The following CEP192 variants were observed in gnomAD, a reference collection of about 807,000 sequenced individuals.
The protein encoded by CEP192 is centrosomal protein of 192 kDa.
Under a neutral mutation model 271.8 loss-of-function variants are expected in CEP192, and 151 were observed. The observed-to-expected ratio is 0.56, with a 90% CI of 0.49 to 0.64. The LOEUF (loss-of-function observed/expected upper bound fraction) is 0.64, where lower values mean the gene tolerates loss of function less well. CEP192 is among the 30% of genes least tolerant of loss of function. The pLI is 0.00. For synonymous variants in CEP192, 995 were observed against 1,076.5 expected, an observed-to-expected ratio of 0.92 and a Z score of 1.48; for missense variants, 2,910 against 3,020.5, an observed-to-expected ratio of 0.96 and a Z score of 0.86.
intron 15 of CEP192, among the ~76,000 whole-genome samples, chr18:13,045,583 A>G (rs920443764): frequency 6.6e-5 from 10 of 152,228 alleles, no homozygotes; most frequent in Admixed American, 1.3e-4. Context: ...AGCTGCCTGC[A>G]TTCTTAAAAT....
At position 13,040,857 on chromosome 18, in the gene CEP192, C is replaced by T. The variant is rs772845551; in HGVS notation, c.1837C>T (p.Pro613Ser). 2 of 1,596,378 alleles carry T rather than the reference C, an allele frequency of 1.3e-6. No homozygotes were observed. Among genetic ancestry groups the T allele is most frequent in the Non-Finnish European group, 8.6e-7 (1 of 1,169,096 alleles). Residue 613 changes from proline to serine, a missense_variant, in exon 14 of 45, where the codon CCA (proline) becomes TCA (serine). Coordinates refer to ENST00000506447, the MANE Select transcript of CEP192 (RefSeq NM_032142.4). ...ATCATTTGGCTATTTTATTAGATCA[C>T]CAGAGAAGAGAGAACCTATTGCCTT... The part of the protein sequence containing the change: ...RPSFGYFIRS[P>S]EKREPIALIR...
intron 21 of CEP192, among the ~76,000 whole-genome samples, chr18:13,063,995 AT>A (rs201855923): frequency 6.6e-6 from 1 of 150,512 alleles, no homozygotes; most frequent in Non-Finnish European, 1.5e-5. Flanking sequence ...TAATTTTTGT[AT>A]TTTTAATAGA....
intron 2 of CEP192, 134 bp downstream of exon 2, chr18:12,999,722 A>T (rs1016857418): frequency 3.6e-6 from 2 of 549,258 alleles, no homozygotes; most frequent in Non-Finnish European, 5.8e-6. Flanking sequence ...TGTGAAATGA[A>T]TATAGAAAAG....
At chr18:13,052,822 C>T (rs752996768) in intron 17 of CEP192, 97 bp from the exon 18 acceptor site, 60 of 848,014 alleles carry the variant, frequency 7.1e-5, no homozygotes, top group Non-Finnish European at 1.0e-4. Context: ...GTGGTTGAGT[C>T]ATTTGCAAGA....
At chr18:13,091,876 C>T (rs1313598259) in intron 33 of CEP192, among the ~76,000 whole-genome samples, 1 of 152,060 alleles carries the variant, frequency 6.6e-6, no homozygotes, top group Non-Finnish European at 1.5e-5. Context: ...AAATCATGGA[C>T]CCTTAATTTC....
At chr18:12,997,010 G>C (rs769773080) in intron 1 of CEP192, among the ~76,000 whole-genome samples, 1 of 152,130 alleles carries the variant, frequency 6.6e-6, no homozygotes, top group Non-Finnish European at 1.5e-5. Context: ...ATGGGGGTGT[G>C]AGGTAGAGGA....
At position 13,104,994 on chromosome 18, in the gene CEP192, A is replaced by G. The variant is rs370027223; in HGVS notation, c.6962A>G (p.Glu2321Gly). Reference protein sequence around the residue: ...LAPPYVKGVDESGDVFRATYA... With the variant: ...LAPPYVKGVDGSGDVFRATYA... The stretch of plus-strand genomic sequence containing the variant: ...ATGATTGCTTTGCAGGGAGTTGATG[A>G]AAGTGGAGATGTTTTTAGAGCTACC... Residue 2321 changes from glutamate to glycine, a missense_variant, in exon 40 of 45, where the codon GAA (glutamate) becomes GGA (glycine). Glu to Gly is a moderately conservative substitution (Grantham distance 98, BLOSUM62 -2). Coordinates refer to ENST00000506447, the MANE Select transcript of CEP192 (RefSeq NM_032142.4). The G allele has an allele frequency of 1.2e-6, 2 of 1,612,546 alleles. No homozygotes were observed. Among genetic ancestry groups the G allele is most frequent in the Non-Finnish European group, 1.7e-6 (2 of 1,178,526 alleles).
chr18:13,002,468 C>T (rs1368189363), intron 3 of CEP192, among the ~76,000 whole-genome samples: 1 of 152,048 alleles, frequency 6.6e-6, no homozygotes, highest in Non-Finnish European at 1.5e-5. Flanking sequence ...ATGAACTTCC[C>T]TACATGTACA....
At chr18:13,094,985 A>G (rs1027822648) in intron 34 of CEP192, among the ~76,000 whole-genome samples, 9 of 152,148 alleles carry the variant, frequency 5.9e-5, no homozygotes, top group Non-Finnish European at 1.0e-4. Context: ...AGACTGGCTG[A>G]GTGTTCCCTG....
intron 35 of CEP192, 95 bp from the exon 36 acceptor site, chr18:13,096,081 CATACTTGT>C: frequency 8.6e-7 from 1 of 1,165,474 alleles, no homozygotes; most frequent in Middle Eastern, 2.8e-4. Context: ...AAAGCAGTAG[CATACTTGT>C]ATATCTATTT....
At chr18:13,107,522 C>T (rs769556862) in intron 40 of CEP192, among the ~76,000 whole-genome samples, 1 of 152,106 alleles carries the variant, frequency 6.6e-6, no homozygotes, top group Non-Finnish European at 1.5e-5. Flanking sequence ...TTCATTAGCT[C>T]CAAACTATCA....
At chr18:13,046,259 C>T (rs755801050) in intron 15 of CEP192, among the ~76,000 whole-genome samples, 7 of 152,212 alleles carry the variant, frequency 4.6e-5, no homozygotes, top group East Asian at 1.9e-4. Flanking sequence ...CACTCACTAC[C>T]GCAAGATAAC....
At chr18:13,029,478 G>C (rs1328115050) in intron 9 of CEP192, among the ~76,000 whole-genome samples, 185 bp from the exon 10 acceptor site, 1 of 152,196 alleles carries the variant, frequency 6.6e-6, no homozygotes, top group African/African-American at 2.4e-5. Flanking sequence ...GTTTTGGTAA[G>C]TTGCTTATCA....
At chr18:13,061,785 T>C (rs2037421477) in intron 21 of CEP192, among the ~76,000 whole-genome samples, 1 of 152,206 alleles carries the variant, frequency 6.6e-6, no homozygotes, top group Admixed American at 6.5e-5. Flanking sequence ...CAGTGTAGGA[T>C]GTTTAGCAGC....
At chr18:13,024,357 A>G (rs1418739914) in intron 9 of CEP192, 1 of 455,800 alleles carries the variant, frequency 2.2e-6, no homozygotes, top group Non-Finnish European at 4.4e-6. Context: ...TTCTCCATCC[A>G]TTTACTTTTA....
intron 44 of CEP192, among the ~76,000 whole-genome samples, chr18:13,118,812 A>G (rs2145138939): frequency 6.6e-6 from 1 of 152,360 alleles, no homozygotes. Context: ...CATCATCATC[A>G]TCATCATTAA....
chr18:13,058,934 A>G, intron 20 of CEP192, 148 bp from the exon 21 acceptor site: 1 of 625,546 alleles, frequency 1.6e-6, no homozygotes, highest in Non-Finnish European at 2.8e-6. Flanking sequence ...GAGACCATAA[A>G]TGACAAGGTT....
intron 44 of CEP192, among the ~76,000 whole-genome samples, chr18:13,119,007 C>T (rs547574243): frequency 4.5e-4 from 68 of 152,322 alleles, no homozygotes; most frequent in African/African-American, 1.6e-3. Flanking sequence ...TCCAAGTTCT[C>T]CTCTCATAGT....
chr18:13,036,554 T>G (rs1385515986), intron 11 of CEP192, among the ~76,000 whole-genome samples: 1 of 152,258 alleles, frequency 6.6e-6, no homozygotes, highest in African/African-American at 2.4e-5. Context: ...TTAAAGTTCT[T>G]GGCGATTCTG....
Sources: gnomAD v4.1 joint callset for allele counts (sites outside exome capture counted in the v4.1 genomes callset) on GRCh38, gnomAD v4.1.1 for gene constraint, MANE v1.5 for transcripts, NCBI Gene and HGNC (gene_info 2026-07-23, HGNC 2026-07-21) for gene names.